RAB19: variants seen among roughly 807,000 people sequenced by gnomAD.
The protein encoded by RAB19 is RAB19, member RAS oncogene family.
A neutral mutation model predicts 17.3 loss-of-function variants in RAB19; 21 were observed. That is an observed-to-expected ratio of 1.21 (90% CI 0.86 to 1.74). The LOEUF is 1.74. Among genes scored for constraint, RAB19 ranks in the 40% most tolerant of loss-of-function variants. RAB19 has a pLI of 0.00. For synonymous variants in RAB19, 126 were observed against 110.4 expected (o/e 1.14, Z -0.88); for missense variants, 277 against 286.8 (o/e 0.97, Z 0.25).
intron 2 of RAB19, among the ~76,000 whole-genome samples, chr7:140,408,581 T>C (rs1193445290): frequency 1.3e-5 from 2 of 152,036 alleles, no homozygotes; most frequent in Admixed American, 1.3e-4. Context: ...GCTCAAGCAA[T>C]TCTCATGCCT....
Position 140,427,404 on chromosome 7 carries a change from G to A in RAB19, c.*1254G>A, listed in dbSNP as rs78571503. 0.15 allele frequency among the ~76,000 whole-genome samples: 22,098 copies of A among 146,516 alleles called. 1,979 individuals carry two copies. The highest frequency in any genetic ancestry group is 0.25 in the African/African-American group (9,996 of 39,364). ...CCTGACCTCATGATCCACCCGTCTCGGCCTCCTAAAGTGCTGGGATTACAG... is the reference window on the plus strand; with the variant it reads ...CCTGACCTCATGATCCACCCGTCTCAGCCTCCTAAAGTGCTGGGATTACAG... On this transcript the variant is annotated 3_prime_UTR_variant, in exon 4 of 4. Transcript: ENST00000537763.
intron 3 of RAB19, among the ~76,000 whole-genome samples, chr7:140,418,010 G>C (rs759688019): frequency 6.6e-6 from 1 of 152,122 alleles, no homozygotes; most frequent in South Asian, 2.1e-4. Context: ...TGGTCTCCAT[G>C]GGCCCCCGTT....
At chr7:140,410,475 CG>C (rs1227365247) in intron 2 of RAB19, among the ~76,000 whole-genome samples, 1 of 151,820 alleles carries the variant, frequency 6.6e-6, no homozygotes, top group Non-Finnish European at 1.5e-5. Context: ...TACAGGCGCC[CG>C]CCACGGCGCC....
At chr7:140,424,188 G>A (rs570590733) in intron 3 of RAB19, among the ~76,000 whole-genome samples, 71 of 130,822 alleles carry the variant, frequency 5.4e-4, no homozygotes, top group Middle Eastern at 5.7e-3. Flanking sequence ...ATGCCGTTTC[G>A]CTGTTGTCAC....
chr7:140,417,495 C>T (rs1384770609), intron 3 of RAB19, among the ~76,000 whole-genome samples: 1 of 152,104 alleles, frequency 6.6e-6, no homozygotes, highest in East Asian at 1.9e-4. Flanking sequence ...CCCACCACAT[C>T]CCTTCTTCCA....
rs962071591 is a variant in RAB19 at position 140,411,983 on chromosome 7, C to T, written c.311C>T (p.Thr104Met). The stretch of plus-strand genomic sequence containing the variant: ...GCCTATGACCTCACCCGGCGGTCCA[C>T]GTTCGAGTCCATCCCTCACTGGATT... ...IIAYDLTRRS[T>M]FESIPHWIHE... The change falls in exon 3 of 4, where the codon ACG becomes ATG. Residue 104 changes from threonine to methionine, a missense_variant. By Grantham distance (81) the Thr-to-Met change is moderately conservative. Transcript: ENST00000537763. The T allele has an allele frequency of 1.1e-5, 18 of 1,614,050 alleles. No individual in the cohort carries two copies. Among genetic ancestry groups the T allele is most frequent in the East Asian group, 6.7e-5 (3 of 44,878 alleles).
intron 3 of RAB19, among the ~76,000 whole-genome samples, chr7:140,424,702 T>C (rs1188221165): frequency 2.2e-5 from 3 of 137,352 alleles, no homozygotes; most frequent in Admixed American, 7.6e-5. Flanking sequence ...TATATATACA[T>C]ATATAATGAC....
chr7:140,408,992 TCAAA>T (rs1301897493), intron 2 of RAB19, among the ~76,000 whole-genome samples: 2 of 152,172 alleles, frequency 1.3e-5, no homozygotes, highest in Non-Finnish European at 2.9e-5. Context: ...ACTCCTGGGC[TCAAA>T]CAATCCTCCC....
At chr7:140,418,727 C>T (rs1799506895) in intron 3 of RAB19, among the ~76,000 whole-genome samples, 1 of 151,954 alleles carries the variant, frequency 6.6e-6, no homozygotes, top group Non-Finnish European at 1.5e-5. Flanking sequence ...GGTATGATGG[C>T]ATGCGCCTGT....
In RAB19 at chr7:140,427,599, C is replaced by T. The variant is rs543375934; in HGVS notation, c.*1449C>T. ...CCCTAGTAGCTGGGATTACAGCCTC[C>T]CGCCACCACGCCTAGCTAATTTTTG... On this transcript the variant is annotated 3_prime_UTR_variant, in exon 4 of 4. Coordinates refer to ENST00000537763, the MANE Select transcript of RAB19 (RefSeq NM_001008749.3). Among the ~76,000 whole-genome samples, 482 of 151,152 alleles carry T rather than the reference C, an allele frequency of 3.2e-3. 3 individuals carry two copies. Among genetic ancestry groups the T allele is most frequent in the African/African-American group, 0.011 (451 of 41,114 alleles).
In RAB19 at chr7:140,421,365, T is replaced by C. The variant is rs368045065; in HGVS notation, c.386-4517T>C. 1.1e-4 allele frequency among the ~76,000 whole-genome samples: 17 copies of C among 151,876 alleles called. 1 individual carries two copies. Among genetic ancestry groups the C allele is most frequent in the African/African-American group, 4.1e-4 (17 of 41,394 alleles). On this transcript the variant is annotated intron_variant, in intron 3 of 3. Transcript: ENST00000537763. The stretch of plus-strand genomic sequence containing the variant: ...TTCCAACATGTCCAGTTAGGTTGTT[T>C]TGTTTTGTTTTTTGAGACAGAGTCT...
chr7:140,413,839 A>C (rs183528099), intron 3 of RAB19, among the ~76,000 whole-genome samples: 1 of 152,178 alleles, frequency 6.6e-6, no homozygotes, highest in African/African-American at 2.4e-5. Flanking sequence ...ACAAAAGGAA[A>C]CCCAGCAATG....
chr7:140,424,610 TCTCTC>T (rs1799622037), intron 3 of RAB19, among the ~76,000 whole-genome samples: 1 of 84,720 alleles, frequency 1.2e-5, no homozygotes, highest in Non-Finnish European at 2.7e-5. Context: ...TCTCTCTCTC[TCTCTC>T]TCTCTATATA....
intron 2 of RAB19, among the ~76,000 whole-genome samples, chr7:140,411,294 G>A (rs1336299876): frequency 3.9e-5 from 6 of 152,162 alleles, no homozygotes; most frequent in Non-Finnish European, 5.9e-5. Flanking sequence ...CAGCCACTCG[G>A]GAGGCTGAGG....
At position 140,424,666 on chromosome 7, in the gene RAB19, T is replaced by C. The variant is rs1486802461; in HGVS notation, c.386-1216T>C. On this transcript the variant is annotated intron_variant, in intron 3 of 3. Coordinates refer to ENST00000537763, the MANE Select transcript of RAB19 (RefSeq NM_001008749.3). ...GTGTGTGTGTATATATGTGTGTGTA[T>C]ATATATATATATATATACACATATC... Among the ~76,000 whole-genome samples the C allele has an allele frequency of 1.7e-4, 9 of 53,868 alleles. No individual in the cohort carries two copies. The South Asian group carries it at 2.2e-3, about 13-fold the overall frequency. 35.3% of individuals were successfully genotyped at this position (53,868 alleles called of 152,430 possible).
intron 3 of RAB19, among the ~76,000 whole-genome samples, chr7:140,425,488 G>T (rs975539483): frequency 2.6e-5 from 4 of 151,996 alleles, no homozygotes; most frequent in African/African-American, 9.7e-5. Flanking sequence ...CACTTTCGGA[G>T]GCCGAAGCAG....
Position 140,426,233 on chromosome 7 carries a change from T to C in RAB19, c.*83T>C. 1 of 1,515,500 alleles carries C rather than the reference T, an allele frequency of 6.6e-7. No individual in the cohort carries two copies. The highest frequency in any genetic ancestry group is 1.3e-5 in the South Asian group (1 of 77,446). The allele number at this position is 1,515,500 out of a possible 1,614,324, so 93.9% of individuals were successfully genotyped here. A position where few individuals can be genotyped will look rare whatever the true frequency, so the allele number is the denominator to read the frequency against. ...CCAGGATACCGTAGTGTTGCCCCAG[T>C]GGCGCTTTAGACCCCAGCGTGGACT... On this transcript the variant is annotated 3_prime_UTR_variant, in exon 4 of 4. Coordinates refer to ENST00000537763, the MANE Select transcript of RAB19 (RefSeq NM_001008749.3).
At chr7:140,406,747 A>G (rs373850958) in intron 1 of RAB19, among the ~76,000 whole-genome samples, 6 of 152,264 alleles carry the variant, frequency 3.9e-5, no homozygotes, top group African/African-American at 1.4e-4. Flanking sequence ...ATATTCTCAA[A>G]ATCCTAATTT....
At chr7:140,410,750 A>C (rs575301835) in intron 2 of RAB19, among the ~76,000 whole-genome samples, 6 of 152,192 alleles carry the variant, frequency 3.9e-5, no homozygotes, top group Admixed American at 2.6e-4. Context: ...GAGCCACTGC[A>C]CCCAGCCTCA....
Sources: gnomAD v4.1 joint callset for allele counts (sites outside exome capture counted in the v4.1 genomes callset) on GRCh38, gnomAD v4.1.1 for gene constraint, MANE v1.5 for transcripts, NCBI Gene and HGNC (gene_info 2026-07-23, HGNC 2026-07-21) for gene names.